The following STXBP4 variants were observed in gnomAD, a reference collection of about 807,000 sequenced individuals.
STXBP4 encodes syntaxin-binding protein 4.
STXBP4 carries 55 observed loss-of-function variants against 76.1 expected under a neutral mutation model. That is an observed-to-expected ratio of 0.72 (90% CI 0.58 to 0.91). The LOEUF (loss-of-function observed/expected upper bound fraction) is 0.91. STXBP4 is among the 40% of genes least tolerant of loss of function. STXBP4 has a pLI of 0.00. For missense variants in STXBP4, 618 were observed against 636.9 expected (o/e 0.97, Z 0.32); for synonymous variants, 201 against 220.2 (o/e 0.91, Z 0.77).
chr17:55,069,942 CT>C (rs532208049), intron 12 of STXBP4, among the ~76,000 whole-genome samples: 204 of 145,132 alleles, frequency 1.4e-3, no homozygotes, highest in South Asian at 8.3e-3. Flanking sequence ...TCTTTAGAGT[CT>C]TTTTTTTTTT....
chr17:55,154,567 A>G (rs1201834865), intron 17 of STXBP4, among the ~76,000 whole-genome samples: 1 of 152,170 alleles, frequency 6.6e-6, no homozygotes, highest in Non-Finnish European at 1.5e-5. Context: ...GAAAAACAGC[A>G]TCAATTTTTA....
At chr17:55,191,666 G>C in the STXBP4 span, among the ~76,000 whole-genome samples, 1 of 151,854 alleles carries the variant, frequency 6.6e-6, no homozygotes, top group South Asian at 2.1e-4. Context: ...TCTCATACTT[G>C]ACCACCAAAC....
At chr17:55,144,500 G>A (rs1040589030) in intron 17 of STXBP4, among the ~76,000 whole-genome samples, 2 of 152,182 alleles carry the variant, frequency 1.3e-5, no homozygotes, top group Non-Finnish European at 2.9e-5. Flanking sequence ...ATATTACGCT[G>A]TATAAGACAC....
chr17:55,137,618 A>G (rs1379653216), intron 16 of STXBP4, among the ~76,000 whole-genome samples: 1 of 152,100 alleles, frequency 6.6e-6, no homozygotes, highest in African/African-American at 2.4e-5. Flanking sequence ...TGGGAAAGTT[A>G]TTGAAATTTC....
chr17:54,979,294 C>T (rs1482156900), intron 1 of STXBP4, among the ~76,000 whole-genome samples: 4 of 152,152 alleles, frequency 2.6e-5, no homozygotes, highest in South Asian at 4.1e-4. Context: ...TTTTACAAAC[C>T]ATACCTACCT....
chr17:55,017,093 G>A (rs2078221696), intron 8 of STXBP4, among the ~76,000 whole-genome samples: 1 of 152,218 alleles, frequency 6.6e-6, no homozygotes, highest in African/African-American at 2.4e-5. Flanking sequence ...GGGTCACGGA[G>A]AAGACCTTCA....
chr17:54,981,786 TAGAG>T (rs1377301046), intron 1 of STXBP4, among the ~76,000 whole-genome samples: 5 of 152,090 alleles, frequency 3.3e-5, no homozygotes, highest in African/African-American at 7.2e-5. Context: ...TTAATGCTGA[TAGAG>T]AGATAATTTC....
At chr17:55,144,329 A>G (rs1823741946) in intron 17 of STXBP4, among the ~76,000 whole-genome samples, 1 of 152,162 alleles carries the variant, frequency 6.6e-6, no homozygotes, top group Non-Finnish European at 1.5e-5. Flanking sequence ...GTTGGAACTT[A>G]ACCCTATTCA....
intron 16 of STXBP4, among the ~76,000 whole-genome samples, chr17:55,120,376 C>T (rs969170280): frequency 6.6e-6 from 1 of 152,180 alleles, no homozygotes; most frequent in African/African-American, 2.4e-5. Flanking sequence ...TTGGTAGTAC[C>T]TACCTATAAA....
intron 10 of STXBP4, among the ~76,000 whole-genome samples, chr17:55,041,901 G>T (rs1483024674): frequency 6.6e-6 from 1 of 151,910 alleles, no homozygotes; most frequent in Non-Finnish European, 1.5e-5. Flanking sequence ...ACACACTCTG[G>T]GAAATATTAT....
intron 1 of STXBP4, among the ~76,000 whole-genome samples, chr17:54,970,992 G>T (rs1598133916): frequency 3.3e-5 from 5 of 152,250 alleles, no homozygotes; most frequent in African/African-American, 1.2e-4. Context: ...AAATATTTTG[G>T]TTTTTTACTT....
At chr17:54,974,116 G>A (rs970502288) in intron 1 of STXBP4, among the ~76,000 whole-genome samples, 3 of 152,092 alleles carry the variant, frequency 2.0e-5, no homozygotes, top group South Asian at 2.1e-4. Context: ...TATGGTGGTC[G>A]TCACTGAACT....
chr17:55,115,105 G>A (rs755465316), intron 16 of STXBP4, among the ~76,000 whole-genome samples: 24 of 151,830 alleles, frequency 1.6e-4, no homozygotes, highest in Admixed American at 2.6e-4. Context: ...GTGTATTGAC[G>A]TACTTTGGCT....
downstream of STXBP4, among the ~76,000 whole-genome samples, chr17:55,175,722 C>G (rs2080427682): frequency 6.6e-6 from 1 of 152,202 alleles, no homozygotes; most frequent in East Asian, 1.9e-4. Context: ...GAGGATCAGG[C>G]ACCCTGCCAG....
intron 16 of STXBP4, among the ~76,000 whole-genome samples, chr17:55,122,746 A>G (rs1047202409): frequency 1.3e-5 from 2 of 152,174 alleles, no homozygotes; most frequent in African/African-American, 4.8e-5. Context: ...ATATGTGTCT[A>G]TGTGTGCTAA....
At chr17:55,055,865 T>C (rs944527378) in intron 12 of STXBP4, among the ~76,000 whole-genome samples, 18 of 152,218 alleles carry the variant, frequency 1.2e-4, no homozygotes, top group African/African-American at 4.3e-4. Flanking sequence ...AATTTACTTA[T>C]GTTTTGCTCT....
chr17:55,152,632 C>T (rs1414259632), intron 17 of STXBP4, among the ~76,000 whole-genome samples: 5 of 152,128 alleles, frequency 3.3e-5, no homozygotes, highest in East Asian at 1.9e-4. Context: ...AAATGCCAGA[C>T]GCTTATTAAA....
In STXBP4 at chr17:55,166,634, A is replaced by G. The variant is rs1393785525; in HGVS notation, c.*6723A>G. Reference sequence around the variant, plus strand: ...CCTCTTCTTTGAAGAGCTCCTTGACACATGCTGCCTTCCCCATGCCCAGAG... The same window carrying G: ...CCTCTTCTTTGAAGAGCTCCTTGACGCATGCTGCCTTCCCCATGCCCAGAG... On this transcript the variant is annotated 3_prime_UTR_variant, in exon 18 of 18. Coordinates refer to ENST00000376352, the MANE Select transcript of STXBP4 (RefSeq NM_178509.6). The G allele has an allele frequency of 6.6e-6, 1 of 152,172 alleles. No homozygotes were observed. The highest frequency in any genetic ancestry group is 1.5e-5 in the Non-Finnish European group (1 of 68,048). 9.4% of individuals were successfully genotyped at this position (152,172 alleles called of 1,614,324 possible).
At chr17:55,007,669 G>A (rs2078034789) in intron 8 of STXBP4, 72 bp downstream of exon 8, 2 of 1,197,284 alleles carry the variant, frequency 1.7e-6, no homozygotes, top group African/African-American at 1.6e-5. Context: ...TTCTTTGAGA[G>A]GATAAAGTAC....
Sources: allele counts gnomAD v4.1 joint callset (sites outside exome capture counted in the v4.1 genomes callset), GRCh38; gene constraint gnomAD v4.1.1; transcripts MANE v1.5; gene names NCBI Gene and HGNC (gene_info 2026-07-23, HGNC 2026-07-21).